Variants in AFF2 observed in about 807,000 individuals in gnomAD.
The protein encoded by AFF2 is AF4/FMR2 family member 2.
Under a neutral mutation model 76.9 loss-of-function variants are expected in AFF2, and 14 were observed. The observed-to-expected ratio is 0.18, with a 90% CI of 0.12 to 0.28. The LOEUF (loss-of-function observed/expected upper bound fraction) is 0.28. AFF2 is among the 10% of genes least tolerant of loss of function. The pLI, the probability that AFF2 is intolerant of heterozygous loss-of-function variation, is 1.00. For missense variants in AFF2, 868 were observed against 1,001.1 expected, an observed-to-expected ratio of 0.87 and a Z score of 1.79; for synonymous variants, 398 against 366.7, an observed-to-expected ratio of 1.09 and a Z score of -0.98.
chrX:148,941,534 A>G (rs1305753995), intron 9 of AFF2, among the ~76,000 whole-genome samples: 1 of 111,881 alleles, frequency 8.9e-6, no homozygotes, highest in Non-Finnish European at 1.9e-5. Context: ...TGTAGCATTC[A>G]TTTTCAGTAA....
At chrX:148,860,711 G>A (rs1557276337) in intron 7 of AFF2, among the ~76,000 whole-genome samples, 1 of 111,890 alleles carries the variant, frequency 8.9e-6, no homozygotes, top group East Asian at 2.8e-4. Context: ...AACCACACAA[G>A]AACATTTACA....
intron 9 of AFF2, among the ~76,000 whole-genome samples, chrX:148,929,266 C>T (rs1557284115): frequency 8.9e-6 from 1 of 112,492 alleles, no homozygotes; most frequent in African/African-American, 3.2e-5. Flanking sequence ...ATCTTTATTT[C>T]CATCTGAGCA....
chrX:148,806,863 G>A (rs184376720), intron 3 of AFF2, among the ~76,000 whole-genome samples: 66 of 112,267 alleles, frequency 5.9e-4, no homozygotes, highest in African/African-American at 9.4e-4. Context: ...TGCTAGGCAC[G>A]TAGGAAATAT....
intron 1 of AFF2, among the ~76,000 whole-genome samples, chrX:148,542,935 T>G (rs1557237699): frequency 1.8e-5 from 2 of 111,137 alleles, no homozygotes; most frequent in African/African-American, 6.6e-5. Context: ...AACCATAGAG[T>G]TGATCACCAG....
chrX:148,987,406 C>A lies in AFF2; in HGVS notation c.3663C>A (p.Pro1221=), dbSNP rs781805740. 2 of 1,210,993 alleles carry A rather than the reference C, an allele frequency of 1.7e-6. No individual in the cohort carries two copies. Among genetic ancestry groups the A allele is most frequent in the East Asian group, 3.0e-5 (1 of 33,825 alleles). The part of the protein sequence containing the change: ...PSPVSLNNVS[P]INAMGNCNNG... ...CAGTGTCTCTCAACAACGTCTCCCC[C>A]ATCAACGCAATGGGGAACTGTAACA... is the stretch of plus-strand genomic sequence containing the variant. The change falls in exon 20 of 21, where the codon CCC becomes CCA. Residue 1221 remains proline (P), a synonymous_variant. Transcript: ENST00000370460.
chrX:148,780,891 T>C (rs2069734146), intron 3 of AFF2, among the ~76,000 whole-genome samples: 1 of 112,383 alleles, frequency 8.9e-6, no homozygotes, highest in Admixed American at 9.4e-5. Context: ...CATGGATTTA[T>C]CTACCTTCAG....
chrX:148,907,752 G>A (rs1002228061), intron 9 of AFF2, among the ~76,000 whole-genome samples: 8 of 111,427 alleles, frequency 7.2e-5, no homozygotes, highest in African/African-American at 2.6e-4. Flanking sequence ...TTTCGGGCAC[G>A]CATTGTCATT....
At chrX:148,735,488 T>G (rs368565793) in intron 3 of AFF2, among the ~76,000 whole-genome samples, 14 of 112,127 alleles carry the variant, frequency 1.2e-4, no homozygotes, top group Middle Eastern at 4.6e-3. Flanking sequence ...AAAATTTGTT[T>G]TTCTAGTACC....
intron 1 of AFF2, among the ~76,000 whole-genome samples, chrX:148,516,813 C>G (rs782358742): frequency 6.3e-4 from 70 of 111,676 alleles, no homozygotes; most frequent in Non-Finnish European, 1.1e-3. Flanking sequence ...CGTTGGCCCC[C>G]TCTGAACAAG....
In AFF2 at chrX:148,961,628, T is replaced by C. The variant is rs150837229; in HGVS notation, c.2691-1087T>C. ...TGGAAGTGGGCCAAGGAGTCTGCAT[T>C]GACTTCTATTTCAGGGAATCAGACC... On this transcript the variant is annotated intron_variant, in intron 12 of 20. Transcript: ENST00000370460. Among the ~76,000 whole-genome samples the C allele has an allele frequency of 4.6e-3, 514 of 112,091 alleles. 2 individuals are homozygous for C. The highest frequency in any genetic ancestry group is 0.016 in the African/African-American group (491 of 30,899).
chrX:148,893,685 A>G (rs1557280018), intron 8 of AFF2, among the ~76,000 whole-genome samples: 1 of 112,158 alleles, frequency 8.9e-6, no homozygotes, highest in African/African-American at 3.2e-5. Flanking sequence ...AAAAATGGAT[A>G]TGATCTGTCA....
At chrX:148,834,541 GTGTGTGTA>G (rs1245493559) in intron 4 of AFF2, among the ~76,000 whole-genome samples, 1 of 105,452 alleles carries the variant, frequency 9.5e-6, no homozygotes, top group Admixed American at 1.0e-4. Context: ...GTGTGTGTGT[GTGTGTGTA>G]TGTAACTTAT....
At chrX:148,744,313 A>AT (rs376025126) in intron 3 of AFF2, among the ~76,000 whole-genome samples, 2,964 of 111,512 alleles carry the variant, frequency 0.027, 99 homozygotes, top group African/African-American at 0.09. Context: ...GTCCTTGTCT[A>AT]TTTTTTGTAA....
chrX:148,961,819 C>T (rs782607262), intron 12 of AFF2, among the ~76,000 whole-genome samples: 1 of 112,667 alleles, frequency 8.9e-6, no homozygotes, highest in African/African-American at 3.2e-5. Context: ...CTGCACAGTG[C>T]AATATTAGTT....
chrX:148,512,482 C>G (rs1441707293), intron 1 of AFF2, among the ~76,000 whole-genome samples: 1 of 111,992 alleles, frequency 8.9e-6, no homozygotes, highest in Admixed American at 9.4e-5. Flanking sequence ...ATACCTTGAA[C>G]AAAAAATAGA....
At chrX:148,609,391 G>A (rs900702292) in intron 1 of AFF2, among the ~76,000 whole-genome samples, 1 of 111,494 alleles carries the variant, frequency 9.0e-6, no homozygotes, top group Non-Finnish European at 1.9e-5. Flanking sequence ...GTGGTTTGAG[G>A]AATAGTATTA....
chrX:148,812,703 T>G (rs2070219104), intron 4 of AFF2, among the ~76,000 whole-genome samples: 1 of 111,248 alleles, frequency 9.0e-6, no homozygotes, highest in Non-Finnish European at 1.9e-5. Context: ...ACTTCTTTTA[T>G]TAACCAAATG....
In AFF2 at chrX:148,765,673, A is replaced by G. The variant is rs1483934203; in HGVS notation, c.1042-44203A>G. 4.7e-4 allele frequency among the ~76,000 whole-genome samples: 45 copies of G among 95,392 alleles called. 1 individual carries two copies. Among genetic ancestry groups the G allele is most frequent in the Admixed American group, 4.6e-3 (44 of 9,655 alleles). 82.8% of individuals were successfully genotyped at this position (95,392 alleles called of 115,157 possible). A position where few individuals can be genotyped will look rare whatever the true frequency, so the allele number is the denominator to read the frequency against. On this transcript the variant is annotated intron_variant, in intron 3 of 20. Transcript: ENST00000370460. ...AGGTTGTAGATTTCCTTCCTAAGAAAGTCTTTATTTATTTATTTATTTATT... is the reference window on the plus strand; with the variant it reads ...AGGTTGTAGATTTCCTTCCTAAGAAGGTCTTTATTTATTTATTTATTTATT...
At chrX:148,843,296 C>G (rs2070624930) in intron 6 of AFF2, 86 bp from the exon 7 acceptor site, 2 of 812,304 alleles carry the variant, frequency 2.5e-6, no homozygotes, top group Non-Finnish European at 3.6e-6. Flanking sequence ...ACTCGGGGGA[C>G]TGCATGTTTG....
Sources: allele counts gnomAD v4.1 joint callset (sites outside exome capture counted in the v4.1 genomes callset), GRCh38; gene constraint gnomAD v4.1.1; transcripts MANE v1.5; gene names NCBI Gene and HGNC (gene_info 2026-07-23, HGNC 2026-07-21).